Variants in TNKS2 observed in about 807,000 individuals in gnomAD.
The protein encoded by TNKS2 is poly [ADP-ribose] polymerase tankyrase-2.
Under a neutral mutation model 137.6 loss-of-function variants are expected in TNKS2, and 72 were observed. The ratio of observed to expected loss-of-function variants is 0.52; its 90% confidence interval spans 0.43 to 0.64. The LOEUF is 0.64. Ranked by LOEUF, TNKS2 falls within the 30% of genes least tolerant of loss-of-function variation. TNKS2 has a pLI of 0.00. For synonymous variants in TNKS2, 516 were observed against 512.1 expected (o/e 1.01, Z -0.10); for missense variants, 1,049 against 1,410.2 (o/e 0.74, Z 4.10).
chr10:91,836,604 C>G, intron 12 of TNKS2: 1 of 982,026 alleles, frequency 1.0e-6, no homozygotes, highest in Non-Finnish European at 1.2e-6. Flanking sequence ...TACTTTTGCA[C>G]CATTCCAATG....
intron 1 of TNKS2, among the ~76,000 whole-genome samples, chr10:91,804,025 G>A (rs1385932125): frequency 1.3e-5 from 2 of 151,742 alleles, no homozygotes; most frequent in African/African-American, 4.9e-5. Context: ...ATGAAAGCAT[G>A]TTTCCAGTGT....
chr10:91,835,880 T>C (rs912198453), intron 12 of TNKS2, among the ~76,000 whole-genome samples: 6 of 132,136 alleles, frequency 4.5e-5, no homozygotes, highest in African/African-American at 1.6e-4. Flanking sequence ...AGTGCTGGGA[T>C]TACAGGCATG....
Position 91,816,041 on chromosome 10 carries a change from C to T in TNKS2, c.425-1093C>T, listed in dbSNP as rs1028252680. Among the ~76,000 whole-genome samples the T allele has an allele frequency of 5.3e-5, 8 of 151,004 alleles. No individual in the cohort carries two copies. In the East Asian group the frequency reaches 5.9e-4, roughly 11 times the overall value. ...TCCGCTCACTGCAAGCTCCGCCTCC[C>T]GGGTTCACGCCATTCTACTGCCTCA... On this transcript the variant is annotated intron_variant, in intron 2 of 26. Transcript: ENST00000371627.
intron 1 of TNKS2, among the ~76,000 whole-genome samples, chr10:91,804,014 G>A (rs571217688): frequency 6.6e-6 from 1 of 152,180 alleles, no homozygotes; most frequent in East Asian, 1.9e-4. Flanking sequence ...AAACCATTCA[G>A]ATGAAAGCAT....
At chr10:91,818,908 T>A (rs1208096811) in intron 3 of TNKS2, among the ~76,000 whole-genome samples, 1 of 152,128 alleles carries the variant, frequency 6.6e-6, no homozygotes. Context: ...TTTTAGGAAA[T>A]TTGAAGGGAA....
chr10:91,813,126 G>A lies in TNKS2; in HGVS notation c.343G>A (p.Ala115Thr). The stretch of plus-strand genomic sequence containing the variant: ...AGTCAATCTCCTTTTGCGACATGGT[G>A]CAGACCCCAATGCTCGAGATAATTG... Reference protein sequence around the residue: ...EVVNLLLRHGADPNARDNWNY... With the variant: ...EVVNLLLRHGTDPNARDNWNY... Residue 115 changes from alanine (A) to threonine (T), a missense_variant, in exon 2 of 27, where the codon GCA becomes ACA. Physicochemically the swap from Ala to Thr is moderately conservative, Grantham distance 58. Coordinates refer to ENST00000371627, the MANE Select transcript of TNKS2 (RefSeq NM_025235.4). The A allele has an allele frequency of 6.2e-7, 1 of 1,614,098 alleles. No homozygotes were observed. The highest frequency in any genetic ancestry group is 8.5e-7 in the Non-Finnish European group (1 of 1,180,024).
chr10:91,818,896 C>T (rs1844796528), intron 3 of TNKS2, among the ~76,000 whole-genome samples: 1 of 152,118 alleles, frequency 6.6e-6, no homozygotes, highest in Non-Finnish European at 1.5e-5. Flanking sequence ...ATAACATACT[C>T]ATTTTAGGAA....
At chr10:91,835,315 G>A (rs1208143705) in intron 12 of TNKS2, among the ~76,000 whole-genome samples, 2 of 110,694 alleles carry the variant, frequency 1.8e-5, no homozygotes, top group African/African-American at 7.0e-5. Context: ...TTCCAAGCAG[G>A]GTCTCGCACT....
chr10:91,841,523 A>T, intron 15 of TNKS2, 75 bp downstream of exon 15: 1 of 1,243,846 alleles, frequency 8.0e-7, no homozygotes, highest in Non-Finnish European at 1.1e-6. Context: ...TAATTCTAGT[A>T]TAAAGTTAAA....
chr10:91,817,264 T>G, intron 3 of TNKS2, 35 bp downstream of exon 3: 1 of 1,529,376 alleles, frequency 6.5e-7, no homozygotes, highest in Non-Finnish European at 9.0e-7. Context: ...CCAGGAAGCC[T>G]GTAAAGAACA....
intron 1 of TNKS2, among the ~76,000 whole-genome samples, chr10:91,810,629 A>C (rs1243656076): frequency 6.6e-6 from 1 of 150,432 alleles, no homozygotes; most frequent in South Asian, 2.1e-4. Flanking sequence ...CAACCACCCA[A>C]GTAGCTGGGA....
chr10:91,807,660 T>G (rs918296130), intron 1 of TNKS2, among the ~76,000 whole-genome samples: 34 of 152,210 alleles, frequency 2.2e-4, no homozygotes, highest in African/African-American at 7.5e-4. Flanking sequence ...GAAGTAGTGA[T>G]GAATTAAGAT....
chr10:91,824,900 A>G (rs748721439), intron 7 of TNKS2, among the ~76,000 whole-genome samples: 1 of 152,164 alleles, frequency 6.6e-6, no homozygotes, highest in Non-Finnish European at 1.5e-5. Context: ...AATAATACAG[A>G]GTTTTTAAAT....
intron 1 of TNKS2, among the ~76,000 whole-genome samples, chr10:91,801,153 T>C (rs1324220678): frequency 6.6e-6 from 1 of 152,230 alleles, no homozygotes; most frequent in Non-Finnish European, 1.5e-5. Flanking sequence ...ACTGAGAGAT[T>C]CGTGCAGACC....
chr10:91,850,447 G>A (rs552964457), intron 20 of TNKS2, among the ~76,000 whole-genome samples: 132 of 143,406 alleles, frequency 9.2e-4, no homozygotes, highest in Non-Finnish European at 1.7e-3. Flanking sequence ...AGCCAGGCAC[G>A]GTGGCTCATG....
chr10:91,836,254 G>A (rs575148432), intron 12 of TNKS2, among the ~76,000 whole-genome samples: 2 of 151,702 alleles, frequency 1.3e-5, no homozygotes, highest in South Asian at 4.2e-4. Flanking sequence ...TGCTTTTGAT[G>A]TACTGTTCAA....
In TNKS2 at chr10:91,851,248, C is replaced by T. The variant is rs1022327544; in HGVS notation, c.2727C>T (p.His909=). ...ITLDVLVEMG[H]KELKEIGINA... ...TGGATGTATTAGTTGAGATGGGGCA[C>T]AAGGAGCTGAAGGAGATTGGAATCA... The change falls in exon 21 of 27, where the codon CAC becomes CAT. Residue 909 remains histidine (H), a synonymous_variant. Transcript: ENST00000371627. 5.6e-6 allele frequency: 9 copies of T among 1,613,450 alleles called. No homozygotes were observed. In the Admixed American group the frequency reaches 1.2e-4, roughly 21 times the overall value.
chr10:91,849,455 T>G, intron 19 of TNKS2, 57 bp from the exon 20 acceptor site: 1 of 1,357,862 alleles, frequency 7.4e-7, no homozygotes, highest in Non-Finnish European at 1.0e-6. Context: ...GTTATAGTGA[T>G]GAAATACATT....
At chr10:91,806,090 A>T in intron 1 of TNKS2, among the ~76,000 whole-genome samples, 1 of 134,692 alleles carries the variant, frequency 7.4e-6, no homozygotes. Flanking sequence ...TTATTTACTG[A>T]TCTCTCTGAA....
Sources: allele counts gnomAD v4.1 joint callset (sites outside exome capture counted in the v4.1 genomes callset), GRCh38; gene constraint gnomAD v4.1.1; transcripts MANE v1.5; gene names NCBI Gene and HGNC (gene_info 2026-07-23, HGNC 2026-07-21).